The following TMED10 variants were observed in gnomAD, a reference collection of about 807,000 sequenced individuals.
TMED10 encodes the protein transmembrane emp24 domain-containing protein 10.
Under a neutral mutation model 23.1 loss-of-function variants are expected in TMED10, and 7 were observed. That is an observed-to-expected ratio of 0.30 (90% CI 0.17 to 0.57). The LOEUF is 0.57. Ranked by LOEUF, TMED10 falls within the 20% of genes least tolerant of loss-of-function variation. TMED10 has a pLI of 0.91. For synonymous variants in TMED10, 113 were observed against 106.9 expected, an observed-to-expected ratio of 1.06 and a Z score of -0.35; for missense variants, 162 against 274.8, an observed-to-expected ratio of 0.59 and a Z score of 2.90.
In TMED10 at chr14:75,133,875, A is replaced by T; in HGVS notation, c.*1010T>A. The T allele has an allele frequency of 3.0e-6, 1 of 330,594 alleles. No homozygotes were observed. The highest frequency in any genetic ancestry group is 5.7e-6 in the Non-Finnish European group (1 of 174,688). 20.5% of individuals were successfully genotyped at this position (330,594 alleles called of 1,614,324 possible). On this transcript the variant is annotated 3_prime_UTR_variant, in exon 5 of 5. Coordinates refer to ENST00000303575, the MANE Select transcript of TMED10 (RefSeq NM_006827.6). ...CAATATATGCATGTAAGAAATCTGT[A>T]CTTATACCCCCTAAATATATAAAAC...
At chr14:75,176,211 G>T in intron 1 of TMED10, 144 bp downstream of exon 1, 1 of 983,046 alleles carries the variant, frequency 1.0e-6, no homozygotes, top group Non-Finnish European at 1.5e-6. Context: ...GGGTGAGGGG[G>T]CGGGCTCCAC....
chr14:75,166,446 C>T (rs542743282), intron 1 of TMED10, among the ~76,000 whole-genome samples: 9 of 152,164 alleles, frequency 5.9e-5, no homozygotes, highest in Non-Finnish European at 8.8e-5. Flanking sequence ...TCACTGCACC[C>T]CTACTGGGTT....
At chr14:75,165,988 G>C (rs1235669606) in intron 1 of TMED10, among the ~76,000 whole-genome samples, 1 of 151,140 alleles carries the variant, frequency 6.6e-6, no homozygotes, top group African/African-American at 2.4e-5. Flanking sequence ...GGGGAGGAGT[G>C]GGGGGGTAAG....
intron 1 of TMED10, among the ~76,000 whole-genome samples, chr14:75,173,767 G>C (rs1308400772): frequency 6.6e-6 from 1 of 152,174 alleles, no homozygotes; most frequent in Non-Finnish European, 1.5e-5. Context: ...GTCTTGTTCT[G>C]TTGCCCAGGC....
At chr14:75,140,044 G>A (rs1402362452) in intron 3 of TMED10, among the ~76,000 whole-genome samples, 1 of 152,182 alleles carries the variant, frequency 6.6e-6, no homozygotes, top group Non-Finnish European at 1.5e-5. Context: ...CTTCCTCCAT[G>A]TGAGAACACA....
chr14:75,139,245 C>T, intron 3 of TMED10: 2 of 390,906 alleles, frequency 5.1e-6, no homozygotes, highest in Non-Finnish European at 1.0e-5. Flanking sequence ...ACACATTGTT[C>T]TATAGCTTTT....
intron 3 of TMED10, among the ~76,000 whole-genome samples, chr14:75,146,290 G>T (rs1895882200): frequency 6.6e-6 from 1 of 152,172 alleles, no homozygotes; most frequent in Non-Finnish European, 1.5e-5. Context: ...ACTACTTCCT[G>T]TTGCAGAATT....
intron 3 of TMED10, among the ~76,000 whole-genome samples, chr14:75,145,184 C>G (rs929115318): frequency 6.6e-6 from 1 of 152,094 alleles, no homozygotes; most frequent in Non-Finnish European, 1.5e-5. Context: ...TAACTACATG[C>G]GTAAAGGCAG....
At chr14:75,156,341 T>C (rs7151655) in intron 1 of TMED10, among the ~76,000 whole-genome samples, 2,706 of 152,214 alleles carry the variant, frequency 0.018, 89 homozygotes, top group African/African-American at 0.063. Context: ...AATAATTTTA[T>C]GTAATTACAA....
At chr14:75,147,520 C>G in intron 3 of TMED10, 144 bp downstream of exon 3, 1 of 876,782 alleles carries the variant, frequency 1.1e-6, no homozygotes. Context: ...CTTTTTGTAT[C>G]AGTAAGATCA....
chr14:75,166,634 T>A (rs1227470249), intron 1 of TMED10, among the ~76,000 whole-genome samples: 1 of 152,184 alleles, frequency 6.6e-6, no homozygotes, highest in African/African-American at 2.4e-5. Context: ...AAGCAATGTA[T>A]CCTTTAACTT....
intron 1 of TMED10, among the ~76,000 whole-genome samples, chr14:75,155,019 C>T (rs991803139): frequency 6.8e-6 from 1 of 147,444 alleles, no homozygotes; most frequent in Non-Finnish European, 1.5e-5. Flanking sequence ...AGGGCAGTGG[C>T]GCAATCCCGG....
At position 75,134,882 on chromosome 14, in the gene TMED10, TC is replaced by T. The variant is rs1164362243; in HGVS notation, c.*2del. The T allele has an allele frequency of 6.2e-7, 1 of 1,613,716 alleles. No individual in the cohort carries two copies. Among genetic ancestry groups the T allele is most frequent in the African/African-American group, 1.3e-5 (1 of 74,910 alleles). ...AAGGTGGGAGGAGAATATGCCTCAT[TC>T]ATTACTCAATCAATTTCTTGGCCTT... On this transcript the variant is annotated 3_prime_UTR_variant, in exon 5 of 5. Coordinates refer to ENST00000303575, the MANE Select transcript of TMED10 (RefSeq NM_006827.6).
chr14:75,169,045 G>A (rs1184427056), intron 1 of TMED10, among the ~76,000 whole-genome samples: 1 of 152,138 alleles, frequency 6.6e-6, no homozygotes, highest in Non-Finnish European at 1.5e-5. Flanking sequence ...CAGAGTGGGA[G>A]GAAGCAAATA....
intron 1 of TMED10, among the ~76,000 whole-genome samples, chr14:75,159,385 A>C (rs1022717416): frequency 2.0e-5 from 3 of 152,258 alleles, no homozygotes; most frequent in African/African-American, 7.2e-5. Flanking sequence ...TGGAATAAGC[A>C]TCAAGGTGAA....
rs1425441054 is a variant in TMED10 at position 75,175,512 on chromosome 14, G to A, written c.225+843C>T. ...AAGGACAGAAAACCAAACACCGCATGTTCTCACTCATAGGTGGGAATTGAA... is the reference window on the plus strand; with the variant it reads ...AAGGACAGAAAACCAAACACCGCATATTCTCACTCATAGGTGGGAATTGAA... On this transcript the variant is annotated intron_variant, in intron 1 of 4. Transcript: ENST00000303575. Among the ~76,000 whole-genome samples the A allele has an allele frequency of 3.5e-5, 5 of 144,000 alleles. No individual in the cohort carries two copies. In the Admixed American group the frequency reaches 3.8e-4, roughly 11 times the overall value. 94.5% of individuals were successfully genotyped at this position (144,000 alleles called of 152,430 possible).
intron 2 of TMED10, among the ~76,000 whole-genome samples, chr14:75,150,405 G>A (rs138913558): frequency 1.5e-3 from 230 of 152,270 alleles, no homozygotes; most frequent in African/African-American, 5.3e-3. Context: ...CAAATGATCA[G>A]GATATCTTCT....
intron 2 of TMED10, among the ~76,000 whole-genome samples, chr14:75,151,662 T>A (rs1186851526): frequency 6.6e-6 from 1 of 152,244 alleles, no homozygotes; most frequent in East Asian, 1.9e-4. Context: ...GAGTGGTACA[T>A]TCATTACAAA....
chr14:75,173,511 C>A (rs1382923516), intron 1 of TMED10, among the ~76,000 whole-genome samples: 1 of 152,176 alleles, frequency 6.6e-6, no homozygotes, highest in Non-Finnish European at 1.5e-5. Context: ...ACAGTTTCTA[C>A]TACGTCCAAT....
Sources: allele counts gnomAD v4.1 joint callset (sites outside exome capture counted in the v4.1 genomes callset), GRCh38; gene constraint gnomAD v4.1.1; transcripts MANE v1.5; gene names NCBI Gene and HGNC (gene_info 2026-07-23, HGNC 2026-07-21).